PMVK: variants seen among roughly 807,000 people sequenced by gnomAD.
PMVK encodes phosphomevalonate kinase, also known as testis tissue sperm-binding protein Li 95mP.
A neutral mutation model predicts 19.0 loss-of-function variants in PMVK; 10 were observed. The ratio of observed to expected loss-of-function variants is 0.53; its 90% CI spans 0.32 to 0.89. The LOEUF (loss-of-function observed/expected upper bound fraction) is 0.89, where lower values mean the gene tolerates loss of function less well. Among genes scored for constraint, PMVK ranks in the 40% least tolerant of loss-of-function variants. The pLI, the probability that PMVK is intolerant of heterozygous loss-of-function variation, is 0.03. For synonymous variants in PMVK, 108 were observed against 101.6 expected (o/e 1.06, Z -0.38); for missense variants, 222 against 251.1 (o/e 0.88, Z 0.78).
chr1:154,933,434 A>G (rs1220408671), intron 1 of PMVK, among the ~76,000 whole-genome samples: 1 of 151,474 alleles, frequency 6.6e-6, no homozygotes, highest in Non-Finnish European at 1.5e-5. Flanking sequence ...AATCCATCTC[A>G]AAAATGAAAA....
chr1:154,925,043 G>C lies in PMVK; in HGVS notation c.*86C>G. The C allele has an allele frequency of 1.5e-5, 16 of 1,093,730 alleles. No individual in the cohort carries two copies. Among genetic ancestry groups the C allele is most frequent in the South Asian group, 1.2e-4 (6 of 50,496 alleles). The allele number at this position is 1,093,730 out of a possible 1,614,324, so 67.8% of individuals were successfully genotyped here. On this transcript the variant is annotated 3_prime_UTR_variant, in exon 5 of 5. Coordinates refer to ENST00000368467, the MANE Select transcript of PMVK (RefSeq NM_006556.4). Reference sequence around the variant, plus strand: ...ACCCCCCCTGTCTGTTCCTCACCTCGGCCAGGATCGGGGGACACCCCCATT... The same window carrying C: ...ACCCCCCCTGTCTGTTCCTCACCTCCGCCAGGATCGGGGGACACCCCCATT...
At chr1:154,935,188 C>T (rs1166847079) in intron 1 of PMVK, among the ~76,000 whole-genome samples, 3 of 151,578 alleles carry the variant, frequency 2.0e-5, no homozygotes, top group Admixed American at 6.6e-5. Flanking sequence ...GCCTGTGCTT[C>T]GGACCACTAT....
chr1:154,935,075 A>C (rs1379145721), intron 1 of PMVK, among the ~76,000 whole-genome samples: 5 of 150,900 alleles, frequency 3.3e-5, no homozygotes, highest in Non-Finnish European at 7.4e-5. Flanking sequence ...AAAAAAAAAA[A>C]AAAAAAAAAA....
intron 3 of PMVK, 94 bp downstream of exon 3, chr1:154,928,930 G>T: frequency 8.0e-7 from 1 of 1,252,954 alleles, no homozygotes; most frequent in Non-Finnish European, 1.1e-6. Flanking sequence ...GTGGGGGCTT[G>T]GGCCAGGATG....
chr1:154,929,254 C>T, intron 2 of PMVK, 78 bp from the exon 3 acceptor site: 1 of 1,332,372 alleles, frequency 7.5e-7, no homozygotes, highest in Non-Finnish European at 1.1e-6. Flanking sequence ...AAGAGCCATC[C>T]CTCACCCTCA....
intron 1 of PMVK, among the ~76,000 whole-genome samples, chr1:154,935,690 GTTATT>G (rs972400001): frequency 3.3e-5 from 5 of 152,276 alleles, no homozygotes; most frequent in South Asian, 4.1e-4. Context: ...AACTTCGTAT[GTTATT>G]TTATTTTATT....
chr1:154,932,823 G>A (rs927996688), intron 1 of PMVK, among the ~76,000 whole-genome samples: 16 of 152,186 alleles, frequency 1.1e-4, no homozygotes, highest in Admixed American at 8.5e-4. Context: ...TTCACTGGTT[G>A]GGCATGGTGG....
At chr1:154,937,848 TTTTTG>T (rs1030007459), upstream of PMVK, 20 of 152,072 alleles carry the variant, frequency 1.3e-4, no homozygotes, top group Non-Finnish European at 2.6e-4. Flanking sequence ...TTTGGGGTTT[TTTTTG>T]TTTTTTTTCA....
chr1:154,928,885 T>C, intron 3 of PMVK, 139 bp downstream of exon 3: 1 of 744,370 alleles, frequency 1.3e-6, no homozygotes, highest in South Asian at 1.6e-5. Flanking sequence ...TAGAGACCAG[T>C]GTGGAGGCTA....
intron 1 of PMVK, among the ~76,000 whole-genome samples, chr1:154,933,173 G>A (rs913459387): frequency 5.3e-5 from 8 of 152,082 alleles, no homozygotes; most frequent in African/African-American, 1.2e-4. Flanking sequence ...GGTGGCTCAC[G>A]CCTGTAATCC....
At chr1:154,936,863 C>T, upstream of PMVK, 2 of 604,394 alleles carry the variant, frequency 3.3e-6, 1 homozygote, top group South Asian at 3.7e-5. Context: ...AGCTCATGTC[C>T]AAACAGATAT....
In PMVK at chr1:154,929,144, G is replaced by A. The variant is rs1487035243; in HGVS notation, c.192C>T (p.Asp64=). The A allele has an allele frequency of 6.2e-7, 1 of 1,613,864 alleles. No individual in the cohort carries two copies. Among genetic ancestry groups the A allele is most frequent in the African/African-American group, 1.3e-5 (1 of 74,932 alleles). Residue 64 remains aspartate (D), a synonymous_variant, in exon 3 of 5, where the codon GAC becomes GAT. Coordinates refer to ENST00000368467, the MANE Select transcript of PMVK (RefSeq NM_006556.4). ...GAAAGGCCTCCTTGTAGGTGCTGGTGTCCAGGAGTCTCTGGAAGTTCAAGC... is the reference window on the plus strand; with the variant it reads ...GAAAGGCCTCCTTGTAGGTGCTGGTATCCAGGAGTCTCTGGAAGTTCAAGC... ...EHGLNFQRLL[D]TSTYKEAFRK... is the part of the protein sequence containing the mutation.
intron 2 of PMVK, 147 bp downstream of exon 2, chr1:154,932,205 G>A (rs1009563641): frequency 3.1e-5 from 21 of 682,858 alleles, no homozygotes; most frequent in Non-Finnish European, 5.6e-5. Flanking sequence ...GCCCCCGAAA[G>A]GTCCACTCAC....
rs760796647 is a variant in PMVK at position 154,932,347 on chromosome 1, C to T, written c.159+5G>A. ...ACACACCGGATGCCACAAAGCACCACCTACCTGAGCATACTGTTCCTTGAG... is the reference window on the plus strand; with the variant it reads ...ACACACCGGATGCCACAAAGCACCATCTACCTGAGCATACTGTTCCTTGAG... On this transcript the variant is annotated splice_donor_5th_base_variant and intron_variant, in intron 2 of 4. Transcript: ENST00000368467. 33 of 1,610,988 alleles carry T rather than the reference C, an allele frequency of 2.0e-5. No individual in the cohort carries two copies. Among genetic ancestry groups the T allele is most frequent in the Non-Finnish European group, 2.8e-5 (33 of 1,177,458 alleles).
At position 154,932,344 on chromosome 1, in the gene PMVK, C is replaced by T. The variant is rs1654361438; in HGVS notation, c.159+8G>A. The stretch of plus-strand genomic sequence containing the variant: ...CCAACACACCGGATGCCACAAAGCA[C>T]CACCTACCTGAGCATACTGTTCCTT... On this transcript the variant is annotated splice_region_variant and intron_variant, in intron 2 of 4. Transcript: ENST00000368467. The T allele has an allele frequency of 1.2e-6, 2 of 1,609,892 alleles. No individual in the cohort carries two copies. The highest frequency in any genetic ancestry group is 3.3e-5 in the Admixed American group (2 of 59,966).
intron 1 of PMVK, among the ~76,000 whole-genome samples, chr1:154,935,779 C>T (rs1385150482): frequency 1.3e-5 from 2 of 152,080 alleles, no homozygotes; most frequent in Admixed American, 1.3e-4. Flanking sequence ...TCACTGTAGC[C>T]CCCAGGTTCA....
chr1:154,936,433 A>T (rs917300659), intron 1 of PMVK, 158 bp downstream of exon 1: 1 of 985,036 alleles, frequency 1.0e-6, no homozygotes. Context: ...CTACTGTTTT[A>T]TGTAATGGTG....
Position 154,924,885 on chromosome 1 carries a change from A to G in PMVK, c.*244T>C, listed in dbSNP as rs886831774. On this transcript the variant is annotated 3_prime_UTR_variant, in exon 5 of 5. Transcript: ENST00000368467. ...GGGATATGGCAGGGTTTCGCCTTCAAGCACAGCCAAGACACCCTCCTTTGC... is the reference window on the plus strand; with the variant it reads ...GGGATATGGCAGGGTTTCGCCTTCAGGCACAGCCAAGACACCCTCCTTTGC... 3.8e-6 allele frequency: 2 copies of G among 520,666 alleles called. No individual in the cohort carries two copies. Among genetic ancestry groups the G allele is most frequent in the Non-Finnish European group, 3.5e-6 (1 of 287,834 alleles). 32.3% of individuals were successfully genotyped at this position (520,666 alleles called of 1,614,324 possible).
chr1:154,927,281 C>A (rs1654193384), intron 3 of PMVK, among the ~76,000 whole-genome samples: 1 of 151,502 alleles, frequency 6.6e-6, no homozygotes, highest in Non-Finnish European at 1.5e-5. Flanking sequence ...ACCGTCTCGA[C>A]TAAAAATACA....
Sources: allele counts gnomAD v4.1 joint callset (sites outside exome capture counted in the v4.1 genomes callset), GRCh38; gene constraint gnomAD v4.1.1; transcripts MANE v1.5; gene names NCBI Gene and HGNC (gene_info 2026-07-23, HGNC 2026-07-21).